Variants in CELF4 observed in about 807,000 individuals in gnomAD.
CELF4 encodes the protein CUG-BP- and ETR-3-like factor 4.
A neutral mutation model predicts 59.9 loss-of-function variants in CELF4; 18 were observed. The observed-to-expected ratio is 0.30, with a 90% confidence interval of 0.21 to 0.45. The LOEUF is 0.45. Among genes scored for constraint, CELF4 ranks in the 20% least tolerant of loss-of-function variants. The pLI is 1.00. For synonymous variants in CELF4, 261 were observed against 267.1 expected, an observed-to-expected ratio of 0.98 and a Z score of 0.22; for missense variants, 456 against 689.0, an observed-to-expected ratio of 0.66 and a Z score of 3.79.
chr18:37,455,779 G>A (rs2099776405), intron 2 of CELF4, among the ~76,000 whole-genome samples: 1 of 152,340 alleles, frequency 6.6e-6, no homozygotes, highest in Non-Finnish European at 1.5e-5. Context: ...TATACCCGCA[G>A]CTGGGACAGG....
intron 2 of CELF4, among the ~76,000 whole-genome samples, chr18:37,445,676 C>G (rs1014287856): frequency 1.3e-5 from 2 of 151,842 alleles, no homozygotes; most frequent in African/African-American, 4.8e-5. Context: ...GGCAGAGGGA[C>G]GGGACAGTTG....
chr18:37,435,272 C>T (rs1297099533), intron 2 of CELF4, among the ~76,000 whole-genome samples: 2 of 150,838 alleles, frequency 1.3e-5, no homozygotes, highest in Non-Finnish European at 2.9e-5. Context: ...ACATATCTTG[C>T]AGGAGGCCCA....
intron 3 of CELF4, among the ~76,000 whole-genome samples, chr18:37,282,091 A>G (rs556085153): frequency 6.6e-6 from 1 of 152,290 alleles, no homozygotes; most frequent in South Asian, 2.1e-4. Context: ...GAATTAAATG[A>G]GGTTTTTAGC....
Position 37,253,715 on chromosome 18 carries a change from C to G in CELF4, c.*44+52G>C. ...CGGAGGCCGGAGGAGGCGGCGGGTC[C>G]GTCTGGTTCCCTCCCAACCCCCGTC... On this transcript the variant is annotated intron_variant, in intron 12 of 12. Coordinates refer to ENST00000420428, the MANE Select transcript of CELF4 (RefSeq NM_020180.4). The surrounding 1 kb of genome is among the most constrained non-coding windows in gnomAD (Gnocchi z 4.5). 7.2e-7 allele frequency: 1 copy of G among 1,381,102 alleles called. No homozygotes were observed. Among genetic ancestry groups the G allele is most frequent in the Non-Finnish European group, 9.7e-7 (1 of 1,035,598 alleles). The allele number at this position is 1,381,102 out of a possible 1,614,324, so 85.6% of individuals were successfully genotyped here.
chr18:37,356,058 A>T (rs2154557281), intron 2 of CELF4, among the ~76,000 whole-genome samples: 1 of 152,248 alleles, frequency 6.6e-6, no homozygotes, highest in Non-Finnish European at 1.5e-5. Flanking sequence ...CTCTCTGGAA[A>T]TGGTAGTATG....
In CELF4 at chr18:37,439,219, C is replaced by T. The variant is rs561814713; in HGVS notation, c.369+46306G>A. Among the ~76,000 whole-genome samples, 5 of 152,286 alleles carry T rather than the reference C, an allele frequency of 3.3e-5. No individual in the cohort carries two copies. The East Asian group carries it at 5.8e-4, about 18-fold the overall frequency. Reference sequence around the variant, plus strand: ...TAGTACTGGAGTGAGGGTAGCTCTGCTTTACCCTGAGAGGGGCAGGCGGTG... The same window carrying T: ...TAGTACTGGAGTGAGGGTAGCTCTGTTTTACCCTGAGAGGGGCAGGCGGTG... On this transcript the variant is annotated intron_variant, in intron 2 of 12. Coordinates refer to ENST00000420428, the MANE Select transcript of CELF4 (RefSeq NM_020180.4).
In CELF4 at chr18:37,253,544, C is replaced by G. The variant is rs968599257; in HGVS notation, c.*44+223G>C. 1.3e-5 allele frequency among the ~76,000 whole-genome samples: 2 copies of G among 152,216 alleles called. No individual in the cohort carries two copies. The highest frequency in any genetic ancestry group is 2.9e-5 in the Non-Finnish European group (2 of 68,038). On this transcript the variant is annotated intron_variant, in intron 12 of 12. Coordinates refer to ENST00000420428, the MANE Select transcript of CELF4 (RefSeq NM_020180.4). The surrounding 1 kb of genome is among the most constrained non-coding windows in gnomAD (Gnocchi z 4.5). ...CCCGCCCGGAGTGGCTCCCTCACTC[C>G]TGCCCCTGGTGGCCCTGCCACAGGG...
chr18:37,340,912 T>C (rs1221496643), intron 2 of CELF4, among the ~76,000 whole-genome samples: 1 of 152,190 alleles, frequency 6.6e-6, no homozygotes, highest in Non-Finnish European at 1.5e-5. Flanking sequence ...TATTCGACAT[T>C]GTTTCAGTGA....
At chr18:37,269,989 C>T (rs747268059) in intron 8 of CELF4, among the ~76,000 whole-genome samples, 1 of 152,178 alleles carries the variant, frequency 6.6e-6, no homozygotes, top group Admixed American at 6.5e-5. Flanking sequence ...CGGCACTCCA[C>T]ATCGGGAGCA....
chr18:37,263,733 C>G (rs1376289701), intron 10 of CELF4, among the ~76,000 whole-genome samples: 1 of 152,012 alleles, frequency 6.6e-6, no homozygotes, highest in African/African-American at 2.4e-5. Context: ...ACACCAGGGC[C>G]TTGGGACACA....
intron 2 of CELF4, among the ~76,000 whole-genome samples, chr18:37,342,835 G>A (rs1478211738): frequency 6.6e-6 from 1 of 152,254 alleles, no homozygotes; most frequent in Admixed American, 6.5e-5. Context: ...ACTCCCATTA[G>A]TGCAAGGAAG....
At chr18:37,527,654 AT>A (rs1403939488) in intron 1 of CELF4, among the ~76,000 whole-genome samples, 1 of 152,086 alleles carries the variant, frequency 6.6e-6, no homozygotes, top group Non-Finnish European at 1.5e-5. Context: ...CTGTGGGGTG[AT>A]TTGGGGAGAG....
chr18:37,245,521 C>T lies in CELF4; in HGVS notation c.*45-324G>A, dbSNP rs767095733. Among the ~76,000 whole-genome samples, 8 of 151,838 alleles carry T rather than the reference C, an allele frequency of 5.3e-5. No individual in the cohort carries two copies. The highest frequency in any genetic ancestry group is 4.2e-4 in the South Asian group (2 of 4,794). On this transcript the variant is annotated intron_variant, in intron 12 of 12. Coordinates refer to ENST00000420428, the MANE Select transcript of CELF4 (RefSeq NM_020180.4). This position sits in a 1 kb window ranked among gnomAD's most constrained non-coding sequence, Gnocchi z 4.1. ...CATCTAAGGGGAGAATTTGGGACTG[C>T]GGGATATGAATTCATAATTAAACTT...
chr18:37,364,560 T>C (rs554023414), intron 2 of CELF4, among the ~76,000 whole-genome samples: 1 of 152,288 alleles, frequency 6.6e-6, no homozygotes, highest in Non-Finnish European at 1.5e-5. Flanking sequence ...TGAGCCTGGA[T>C]GGGGTTTCTC....
At chr18:37,333,179 A>G (rs1021239955) in intron 2 of CELF4, among the ~76,000 whole-genome samples, 1 of 149,174 alleles carries the variant, frequency 6.7e-6, no homozygotes, top group African/African-American at 2.6e-5. Flanking sequence ...CGGGGCTGTT[A>G]ACTTAACCTC....
At chr18:37,515,508 G>T (rs918146481) in intron 1 of CELF4, among the ~76,000 whole-genome samples, 2 of 152,204 alleles carry the variant, frequency 1.3e-5, no homozygotes, top group African/African-American at 2.4e-5. Context: ...TCCTCCAGTA[G>T]AGGCCTAAAG....
intron 1 of CELF4, among the ~76,000 whole-genome samples, chr18:37,511,064 G>A (rs568357720): frequency 1.8e-4 from 27 of 152,218 alleles, no homozygotes; most frequent in African/African-American, 4.3e-4. Context: ...ATCCCCCAGC[G>A]GTGCTCTGTA....
chr18:37,512,585 G>A (rs372822389), intron 1 of CELF4, among the ~76,000 whole-genome samples: 25 of 146,378 alleles, frequency 1.7e-4, no homozygotes, highest in South Asian at 1.1e-3. Context: ...CACCTTTCTC[G>A]TCTTCCTCCT....
At chr18:37,522,283 A>T (rs2099958365) in intron 1 of CELF4, among the ~76,000 whole-genome samples, 1 of 152,164 alleles carries the variant, frequency 6.6e-6, no homozygotes, top group Non-Finnish European at 1.5e-5. Context: ...TCTAAGAGTT[A>T]GCATAGTGAC....
Sources: gnomAD v4.1 joint callset for allele counts (sites outside exome capture counted in the v4.1 genomes callset) on GRCh38, gnomAD v4.1.1 for gene constraint, Gnocchi (gnomAD v3.1) non-coding constraint, MANE v1.5 for transcripts, NCBI Gene and HGNC (gene_info 2026-07-23, HGNC 2026-07-21) for gene names.